The following HNRNPLL variants were observed in gnomAD, a reference collection of about 807,000 sequenced individuals.
HNRNPLL encodes the protein heterogeneous nuclear ribonucleoprotein L-like.
In HNRNPLL, 25 loss-of-function variants were observed where a neutral mutation model predicts 67.1. The ratio of observed to expected loss-of-function variants is 0.37; its 90% CI spans 0.27 to 0.52. The LOEUF is 0.52. Ranked by LOEUF, HNRNPLL falls within the 20% of genes least tolerant of loss-of-function variation. HNRNPLL has a pLI of 0.90. For missense variants in HNRNPLL, 542 were observed against 673.9 expected (o/e 0.80, Z 2.17); for synonymous variants, 267 against 241.7 (o/e 1.10, Z -0.97).
chr2:38,594,854 G>C (rs1433245336), intron 1 of HNRNPLL, among the ~76,000 whole-genome samples: 2 of 152,130 alleles, frequency 1.3e-5, no homozygotes, highest in South Asian at 2.1e-4. Flanking sequence ...TGAGGCAAGA[G>C]AATTGCTTAA....
chr2:38,601,402 T>G (rs767618718), intron 1 of HNRNPLL, among the ~76,000 whole-genome samples: 1 of 152,234 alleles, frequency 6.6e-6, no homozygotes, highest in Non-Finnish European at 1.5e-5. Context: ...AATAGTAGGA[T>G]ATATGTGTAC....
At chr2:38,574,668 C>A (rs940600473) in intron 7 of HNRNPLL, among the ~76,000 whole-genome samples, 1 of 151,768 alleles carries the variant, frequency 6.6e-6, no homozygotes, top group Non-Finnish European at 1.5e-5. Context: ...AGTAACACCA[C>A]CACCAAGCAC....
chr2:38,578,028 TA>T (rs769215168), intron 6 of HNRNPLL: 1 of 470,568 alleles, frequency 2.1e-6, no homozygotes, highest in Non-Finnish European at 4.4e-6. Flanking sequence ...TCACAATCAG[TA>T]AACACAGAGT....
chr2:38,592,522 G>C (rs1001324596), intron 1 of HNRNPLL, among the ~76,000 whole-genome samples: 1 of 152,222 alleles, frequency 6.6e-6, no homozygotes, highest in African/African-American at 2.4e-5. Flanking sequence ...TTGCAAGGCA[G>C]GGGGATGAAT....
chr2:38,601,698 C>T (rs987235996), intron 1 of HNRNPLL: 8 of 152,056 alleles, frequency 5.3e-5, no homozygotes, highest in Non-Finnish European at 1.2e-4. Flanking sequence ...TTTCATGGGG[C>T]AAATGTGGAA....
chr2:38,585,434 T>G (rs1381983791), intron 3 of HNRNPLL, among the ~76,000 whole-genome samples: 1 of 152,246 alleles, frequency 6.6e-6, no homozygotes, highest in Non-Finnish European at 1.5e-5. Context: ...AATTTCAATG[T>G]GCCTATTTAA....
chr2:38,601,210 G>A (rs763428460), intron 1 of HNRNPLL, among the ~76,000 whole-genome samples: 1 of 152,178 alleles, frequency 6.6e-6, no homozygotes, highest in Non-Finnish European at 1.5e-5. Flanking sequence ...TAACAAGACT[G>A]AGAGAAAAAG....
chr2:38,583,815 A>G, intron 4 of HNRNPLL, 26 bp downstream of exon 4: 1 of 1,093,028 alleles, frequency 9.1e-7, no homozygotes, highest in Non-Finnish European at 1.4e-6. Context: ...ATTACACATC[A>G]ATAAAAATTT....
At chr2:38,577,296 A>G (rs555013904) in intron 7 of HNRNPLL, among the ~76,000 whole-genome samples, 165 bp downstream of exon 7, 2 of 152,032 alleles carry the variant, frequency 1.3e-5, no homozygotes, top group South Asian at 4.1e-4. Flanking sequence ...ATCCTAAGAA[A>G]ACAAATTTTG....
chr2:38,566,509 T>C (rs778916835), intron 12 of HNRNPLL, among the ~76,000 whole-genome samples: 17 of 151,780 alleles, frequency 1.1e-4, no homozygotes, highest in African/African-American at 1.7e-4. Context: ...CTGGTAAAAA[T>C]TGAATATCTG....
chr2:38,579,360 G>A (rs1666429068), intron 6 of HNRNPLL, among the ~76,000 whole-genome samples: 2 of 151,790 alleles, frequency 1.3e-5, no homozygotes, highest in East Asian at 3.9e-4. Flanking sequence ...GTATACATAT[G>A]TAACTAACCT....
chr2:38,565,810 G>C (rs1002889818), intron 12 of HNRNPLL: 1 of 151,686 alleles, frequency 6.6e-6, no homozygotes, highest in African/African-American at 2.5e-5. Context: ...CAAAAATGTA[G>C]ATAGGTTTAA....
intron 2 of HNRNPLL, among the ~76,000 whole-genome samples, chr2:38,588,557 A>T (rs1666825731): frequency 6.8e-6 from 1 of 146,108 alleles, no homozygotes; most frequent in South Asian, 2.1e-4. Flanking sequence ...AAAAAAAAAA[A>T]AAAAAAAAAA....
At chr2:38,601,103 C>T (rs927018978) in intron 1 of HNRNPLL, among the ~76,000 whole-genome samples, 3 of 151,974 alleles carry the variant, frequency 2.0e-5, no homozygotes, top group African/African-American at 4.8e-5. Flanking sequence ...ACTGAAACTT[C>T]CTAAGAAAAA....
chr2:38,587,564 C>T (rs1021896930), intron 2 of HNRNPLL, among the ~76,000 whole-genome samples: 6 of 152,058 alleles, frequency 3.9e-5, no homozygotes, highest in African/African-American at 1.2e-4. Context: ...GAAACACAGA[C>T]GCTTCACTGA....
intron 2 of HNRNPLL, among the ~76,000 whole-genome samples, chr2:38,586,476 C>T (rs1432178593): frequency 2.6e-5 from 4 of 152,058 alleles, no homozygotes; most frequent in African/African-American, 4.8e-5. Flanking sequence ...GGTGCTACTC[C>T]GAAGCAGTAT....
intron 1 of HNRNPLL, among the ~76,000 whole-genome samples, chr2:38,591,954 C>T (rs779945141): frequency 6.6e-6 from 1 of 151,750 alleles, no homozygotes; most frequent in African/African-American, 2.4e-5. Flanking sequence ...CCAGCCTGGG[C>T]GACAGAGTGA....
intron 7 of HNRNPLL, among the ~76,000 whole-genome samples, chr2:38,573,738 G>A (rs1329618611): frequency 3.3e-5 from 5 of 151,734 alleles, no homozygotes; most frequent in Middle Eastern, 3.4e-3. Context: ...GTAAAGTCTG[G>A]GGCTACTGTA....
At chr2:38,579,064 C>T (rs1352537233) in intron 6 of HNRNPLL, among the ~76,000 whole-genome samples, 2 of 152,042 alleles carry the variant, frequency 1.3e-5, no homozygotes, top group Admixed American at 6.6e-5. Flanking sequence ...AATACAAATC[C>T]TTATCTGACC....
Sources: gnomAD v4.1 joint callset for allele counts (sites outside exome capture counted in the v4.1 genomes callset) on GRCh38, gnomAD v4.1.1 for gene constraint, MANE v1.5 for transcripts, NCBI Gene and HGNC (gene_info 2026-07-23, HGNC 2026-07-21) for gene names.